Variants in SRRM1 observed in about 807,000 individuals in gnomAD.
The protein encoded by SRRM1 is serine/arginine repetitive matrix protein 1.
Under a neutral mutation model 110.2 loss-of-function variants are expected in SRRM1, and 19 were observed. The observed-to-expected ratio is 0.17, with a 90% CI of 0.12 to 0.25. SRRM1 has a LOEUF of 0.25. SRRM1 is among the 10% of genes least tolerant of loss of function. The probability of loss-of-function intolerance (pLI) is 1.00; values close to 1 mark genes in which losing one functional copy is unlikely to be tolerated. For missense variants in SRRM1, 918 were observed against 1,145.8 expected (o/e 0.80, Z 2.87); for synonymous variants, 443 against 414.9 (o/e 1.07, Z -0.82).
At chr1:24,649,678 C>A (rs1171085155) in intron 4 of SRRM1, among the ~76,000 whole-genome samples, 1 of 152,116 alleles carries the variant, frequency 6.6e-6, no homozygotes, top group Non-Finnish European at 1.5e-5. Context: ...AAGTGATTTT[C>A]TTTTTTATTT....
chr1:24,671,623 CT>C, intron 16 of SRRM1, 28 bp downstream of exon 16: 1 of 1,545,546 alleles, frequency 6.5e-7, no homozygotes, highest in Non-Finnish European at 8.7e-7. Flanking sequence ...ATATGGCTGT[CT>C]TGCAGTTTAC....
intron 8 of SRRM1, among the ~76,000 whole-genome samples, chr1:24,653,800 A>G (rs1662435626): frequency 6.6e-6 from 1 of 152,210 alleles, no homozygotes; most frequent in Non-Finnish European, 1.5e-5. Flanking sequence ...TTGGGAAGAA[A>G]TGCCGATGAT....
chr1:24,666,668 G>T, intron 12 of SRRM1, 147 bp from the exon 13 acceptor site: 1 of 590,448 alleles, frequency 1.7e-6, no homozygotes, highest in East Asian at 3.3e-5. Context: ...AGGAGGCTGA[G>T]GGGGGAGAAT....
At chr1:24,661,214 C>G in intron 10 of SRRM1, 96 bp from the exon 11 acceptor site, 1 of 796,442 alleles carries the variant, frequency 1.3e-6, no homozygotes, top group South Asian at 1.8e-5. Flanking sequence ...TTTGATCCAA[C>G]CAAATGAAGG....
At position 24,662,657 on chromosome 1, in the gene SRRM1, T is replaced by C; in HGVS notation, c.1484-3T>C. The C allele has an allele frequency of 1.7e-5, 27 of 1,613,058 alleles. No individual in the cohort carries two copies. Among genetic ancestry groups the C allele is most frequent in the Non-Finnish European group, 2.3e-5 (27 of 1,179,676 alleles). On this transcript the variant is annotated splice_polypyrimidine_tract_variant and splice_region_variant and intron_variant, in intron 11 of 16. Coordinates refer to ENST00000323848, the MANE Select transcript of SRRM1 (RefSeq NM_005839.4). ...TAATATTTTTTTAATTTTGTAATTA[T>C]AGACTCTGGCTCCTCCTCCTCCTCA...
rs563260032 is a variant in SRRM1, at chr1:24,643,488, C to G, written c.21+141C>G. The G allele has an allele frequency of 2.5e-5, 14 of 568,010 alleles. 2 individuals are homozygous for G. Among genetic ancestry groups the G allele is most frequent in the Admixed American group, 1.0e-4 (2 of 19,784 alleles). The allele number at this position is 568,010 out of a possible 1,614,324, so 35.2% of individuals were successfully genotyped here. On this transcript the variant is annotated intron_variant, in intron 1 of 16. Transcript: ENST00000323848. ...TTCCTCCTAGAGCCGGCGCACCCCC[C>G]CCCCCCCCGTGCGCTGCGGCGGAGA...
chr1:24,646,162 T>C, intron 2 of SRRM1, 89 bp downstream of exon 2: 1 of 948,642 alleles, frequency 1.1e-6, no homozygotes, highest in Non-Finnish European at 1.7e-6. Context: ...CATTGTAACT[T>C]GAATGCTAAG....
intron 14 of SRRM1, 74 bp downstream of exon 14, chr1:24,669,661 C>A: frequency 8.9e-7 from 1 of 1,129,010 alleles, no homozygotes; most frequent in Non-Finnish European, 1.2e-6. Context: ...CCCCCACCCC[C>A]ATATAAAAGG....
At chr1:24,668,824 G>A (rs1368962040) in intron 13 of SRRM1, among the ~76,000 whole-genome samples, 1 of 152,164 alleles carries the variant, frequency 6.6e-6, no homozygotes, top group East Asian at 1.9e-4. Flanking sequence ...CGTTAATTTT[G>A]TATAGATGTT....
intron 6 of SRRM1, among the ~76,000 whole-genome samples, chr1:24,652,029 A>ATAT: frequency 1.3e-5 from 1 of 79,866 alleles, no homozygotes; most frequent in East Asian, 4.8e-4. Context: ...CTGTACTAAA[A>ATAT]ATATATATAT....
chr1:24,654,464 C>T (rs914324179), intron 8 of SRRM1: 9 of 849,838 alleles, frequency 1.1e-5, no homozygotes, highest in Non-Finnish European at 1.3e-5. Context: ...AAAAATGCAA[C>T]CTAAAGGTTT....
At chr1:24,653,523 C>T (rs1662253532) in intron 8 of SRRM1, among the ~76,000 whole-genome samples, 1 of 152,140 alleles carries the variant, frequency 6.6e-6, no homozygotes, top group Admixed American at 6.6e-5. Flanking sequence ...AATAGCATAA[C>T]TTGGAAGTTT....
Position 24,653,191 on chromosome 1 carries a change from G to A in SRRM1, c.1040+159G>A, listed in dbSNP as rs113563368. Among the ~76,000 whole-genome samples the A allele has an allele frequency of 1.2e-3, 182 of 152,314 alleles. 1 individual carries two copies. Among genetic ancestry groups the A allele is most frequent in the African/African-American group, 4.0e-3 (165 of 41,574 alleles). On this transcript the variant is annotated intron_variant, in intron 8 of 16. Coordinates refer to ENST00000323848, the MANE Select transcript of SRRM1 (RefSeq NM_005839.4). ...TCTGTTTCATTTGAAGTGTAATGCA[G>A]TTGTTCGTGTTATGAAAAGTGTCTA... is the stretch of plus-strand genomic sequence containing the variant.
chr1:24,668,006 T>C (rs1670899819), intron 13 of SRRM1, among the ~76,000 whole-genome samples: 1 of 119,484 alleles, frequency 8.4e-6, no homozygotes, highest in Non-Finnish European at 1.6e-5. Flanking sequence ...ACAGTCTCAC[T>C]CTGTCACCCA....
In SRRM1 at chr1:24,651,479, T is replaced by C; in HGVS notation, c.592T>C (p.Ser198Pro). The C allele has an allele frequency of 6.2e-7, 1 of 1,614,102 alleles. No homozygotes were observed. Among genetic ancestry groups the C allele is most frequent in the South Asian group, 1.1e-5 (1 of 91,082 alleles). Residue 198 changes from serine (S) to proline (P), a missense_variant, in exon 6 of 17, where the codon TCT (serine) becomes CCT (proline). Ser to Pro is a moderately conservative substitution (Grantham distance 74, BLOSUM62 -1). This residue lies in a region of SRRM1 where 456 missense variants were observed against 453.5 expected (regional missense o/e 1.01). Transcript: ENST00000323848. Reference protein sequence around the residue: ...PVRRERKRSHSRSPRHRTKSR... With the variant: ...PVRRERKRSHPRSPRHRTKSR... ...CAGGAGAGAGAGAAAGCGCAGTCAT[T>C]CTCGATCTCCCCGTCACAGAACCAA...
Position 24,662,650 on chromosome 1 carries a change from G to T in SRRM1, c.1484-10G>T. 1.9e-6 allele frequency: 3 copies of T among 1,605,944 alleles called. No homozygotes were observed. The highest frequency in any genetic ancestry group is 1.7e-4 in the Middle Eastern group (1 of 5,720). ...CCTAATGTAATATTTTTTTAATTTT[G>T]TAATTATAGACTCTGGCTCCTCCTC... On this transcript the variant is annotated splice_polypyrimidine_tract_variant and intron_variant, in intron 11 of 16. Coordinates refer to ENST00000323848, the MANE Select transcript of SRRM1 (RefSeq NM_005839.4).
Position 24,649,951 on chromosome 1 carries a change from T to C in SRRM1, c.406-20T>C. 3 of 1,543,314 alleles carry C rather than the reference T, an allele frequency of 1.9e-6. No individual in the cohort carries two copies. Among genetic ancestry groups the C allele is most frequent in the Non-Finnish European group, 2.6e-6 (3 of 1,149,542 alleles). On this transcript the variant is annotated intron_variant, in intron 4 of 16. Transcript: ENST00000323848. ...CTCAAATGTTCAACTATGTGTATTT[T>C]GAAAACCTGGTCTTTGCAGATTGAA...
intron 16 of SRRM1, 36 bp from the exon 17 acceptor site, chr1:24,672,146 C>A (rs772141866): frequency 5.3e-6 from 8 of 1,516,988 alleles, no homozygotes; most frequent in Non-Finnish European, 9.1e-7. Context: ...CCACCAGGGT[C>A]TCAAGACTTA....
At chr1:24,660,068 T>TG (rs1289453295) in intron 9 of SRRM1, among the ~76,000 whole-genome samples, 1 of 152,266 alleles carries the variant, frequency 6.6e-6, no homozygotes, top group East Asian at 1.9e-4. Flanking sequence ...AATATCTTTG[T>TG]GAAAGTTTCA....
Sources: allele counts gnomAD v4.1 joint callset (sites outside exome capture counted in the v4.1 genomes callset), GRCh38; gene constraint gnomAD v4.1.1; regional missense constraint gnomAD v4.1.1; transcripts MANE v1.5; gene names NCBI Gene and HGNC (gene_info 2026-07-23, HGNC 2026-07-21).